RFTN2: variants seen among roughly 807,000 people sequenced by gnomAD.
RFTN2 encodes the protein raftlin family member 2, also known as raftlin-2.
A neutral mutation model predicts 52.7 loss-of-function variants in RFTN2; 34 were observed. That is an observed-to-expected ratio of 0.64 (90% CI 0.49 to 0.86). The LOEUF (loss-of-function observed/expected upper bound fraction) is 0.86, where lower values mean the gene tolerates loss of function less well. RFTN2 is among the 40% of genes least tolerant of loss of function. RFTN2 has a pLI of 0.00. For synonymous variants in RFTN2, 203 were observed against 217.7 expected (o/e 0.93, Z 0.59); for missense variants, 536 against 600.1 (o/e 0.89, Z 1.12).
At chr2:197,646,689 A>T in intron 1 of RFTN2, 23 bp from the exon 2 acceptor site, 1 of 1,554,918 alleles carries the variant, frequency 6.4e-7, no homozygotes, top group Non-Finnish European at 8.8e-7. Flanking sequence ...AAGCAAAGAG[A>T]AATTTGCATA....
At chr2:197,578,956 C>G (rs1559336435) in intron 8 of RFTN2, among the ~76,000 whole-genome samples, 2 of 152,192 alleles carry the variant, frequency 1.3e-5, no homozygotes, top group Non-Finnish European at 2.9e-5. Context: ...TCTCCAACCT[C>G]TCTCACTATC....
intron 1 of RFTN2, among the ~76,000 whole-genome samples, chr2:197,663,889 G>A (rs1321494855): frequency 6.6e-6 from 1 of 151,818 alleles, no homozygotes; most frequent in Non-Finnish European, 1.5e-5. Flanking sequence ...TACATTATTA[G>A]ACTGTTTATT....
At chr2:197,587,826 A>T (rs781459331) in intron 8 of RFTN2, among the ~76,000 whole-genome samples, 2 of 152,204 alleles carry the variant, frequency 1.3e-5, no homozygotes, top group Non-Finnish European at 2.9e-5. Flanking sequence ...CCAAACTGTG[A>T]TGTTCTCATA....
At chr2:197,578,353 TA>T (rs1379584862) in intron 8 of RFTN2, among the ~76,000 whole-genome samples, 1 of 147,656 alleles carries the variant, frequency 6.8e-6, no homozygotes, top group Non-Finnish European at 1.5e-5. Flanking sequence ...ACTGCACCTC[TA>T]AAAAGACTTC....
At chr2:197,617,694 C>G in intron 6 of RFTN2, 106 bp downstream of exon 6, 2 of 426,762 alleles carry the variant, frequency 4.7e-6, no homozygotes, top group Admixed American at 5.6e-5. Flanking sequence ...AAAACAAAAA[C>G]AAAAACAAAC....
intron 1 of RFTN2, among the ~76,000 whole-genome samples, chr2:197,667,356 T>C (rs1414838876): frequency 6.6e-6 from 1 of 152,224 alleles, no homozygotes; most frequent in Non-Finnish European, 1.5e-5. Context: ...CTGATTTATT[T>C]GTATTATTTT....
chr2:197,624,557 C>T (rs2088321592), intron 5 of RFTN2, among the ~76,000 whole-genome samples: 1 of 142,290 alleles, frequency 7.0e-6, no homozygotes, highest in African/African-American at 2.7e-5. Flanking sequence ...AAGATCTCAC[C>T]ACAGCACTCC....
At chr2:197,613,275 C>T (rs2088093120) in intron 7 of RFTN2, among the ~76,000 whole-genome samples, 1 of 152,314 alleles carries the variant, frequency 6.6e-6, no homozygotes, top group Admixed American at 6.5e-5. Flanking sequence ...TTAATATGCC[C>T]AGGCCCTGTA....
chr2:197,633,023 G>A (rs2088492386), intron 4 of RFTN2, among the ~76,000 whole-genome samples: 1 of 152,160 alleles, frequency 6.6e-6, no homozygotes, highest in African/African-American at 2.4e-5. Context: ...TGATTCCAGA[G>A]CCCATGTTGT....
intron 1 of RFTN2, 100 bp downstream of exon 1, chr2:197,675,220 T>C: frequency 2.3e-6 from 2 of 873,812 alleles, no homozygotes; most frequent in South Asian, 3.0e-5. Context: ...TACAATCTCA[T>C]TATGAAGAAC....
intron 5 of RFTN2, among the ~76,000 whole-genome samples, chr2:197,623,490 T>C (rs2088302061): frequency 6.6e-6 from 1 of 152,118 alleles, no homozygotes; most frequent in Admixed American, 6.6e-5. Context: ...GTTGTTGTTG[T>C]TTTTTTGAGA....
intron 1 of RFTN2, among the ~76,000 whole-genome samples, chr2:197,675,051 T>C (rs1316874611): frequency 2.0e-5 from 3 of 152,228 alleles, no homozygotes; most frequent in Non-Finnish European, 4.4e-5. Context: ...TAAATCCTTC[T>C]ATAAATAAGT....
At position 197,598,946 on chromosome 2, in the gene RFTN2, ATTC is replaced by A. The variant is rs574524763; in HGVS notation, c.1155-2880_1155-2878del. Among the ~76,000 whole-genome samples, 926 of 151,488 alleles carry A rather than the reference ATTC, an allele frequency of 6.1e-3. 5 individuals carry two copies. The highest frequency in any genetic ancestry group is 9.6e-3 in the Non-Finnish European group (652 of 67,818). On this transcript the variant is annotated intron_variant, in intron 7 of 8. Transcript: ENST00000295049. ...GCATCCTTGATGTCTATTTTACCAT[ATTC>A]TTCTTCTTCTTTTTTTTTTTTTGAC...
At chr2:197,581,874 T>C (rs1440898723) in intron 8 of RFTN2, among the ~76,000 whole-genome samples, 2 of 152,104 alleles carry the variant, frequency 1.3e-5, no homozygotes, top group Non-Finnish European at 2.9e-5. Flanking sequence ...TTATATAAAC[T>C]CACAAAAGGA....
chr2:197,636,455 A>G (rs1336236213), intron 3 of RFTN2, among the ~76,000 whole-genome samples: 1 of 126,310 alleles, frequency 7.9e-6, no homozygotes, highest in East Asian at 2.2e-4. Flanking sequence ...GGTCCTTCAC[A>G]TCCCTTGTAA....
At chr2:197,606,272 A>G (rs982065485) in intron 7 of RFTN2, among the ~76,000 whole-genome samples, 1 of 152,188 alleles carries the variant, frequency 6.6e-6, no homozygotes, top group Non-Finnish European at 1.5e-5. Flanking sequence ...GAGTTCCTGT[A>G]TGTCTGCCCC....
At chr2:197,660,850 C>A (rs1333375197) in intron 1 of RFTN2, among the ~76,000 whole-genome samples, 1 of 152,110 alleles carries the variant, frequency 6.6e-6, no homozygotes, top group African/African-American at 2.4e-5. Flanking sequence ...TGAGCCACTG[C>A]GCCCGGCCAA....
chr2:197,606,460 T>C (rs1559346651), intron 7 of RFTN2, among the ~76,000 whole-genome samples: 1 of 152,122 alleles, frequency 6.6e-6, no homozygotes, highest in African/African-American at 2.4e-5. Flanking sequence ...AAATACACTC[T>C]CATAAAAAGC....
chr2:197,666,039 G>T (rs1373285101), intron 1 of RFTN2, among the ~76,000 whole-genome samples: 1 of 151,202 alleles, frequency 6.6e-6, no homozygotes, highest in African/African-American at 2.4e-5. Flanking sequence ...TGGACTAGTG[G>T]TTGTGAATCC....
Sources: gnomAD v4.1 joint callset for allele counts (sites outside exome capture counted in the v4.1 genomes callset) on GRCh38, gnomAD v4.1.1 for gene constraint, MANE v1.5 for transcripts, NCBI Gene and HGNC (gene_info 2026-07-23, HGNC 2026-07-21) for gene names.